DNAJB6: variants seen among roughly 807,000 people sequenced by gnomAD.
DNAJB6 encodes DnaJ heat shock protein family (Hsp40) member B6.
Under a neutral mutation model 42.7 loss-of-function variants are expected in DNAJB6, and 16 were observed. The ratio of observed to expected loss-of-function variants is 0.37; its 90% confidence interval spans 0.25 to 0.57. The LOEUF (loss-of-function observed/expected upper bound fraction) is 0.57. Among genes scored for constraint, DNAJB6 ranks in the 20% least tolerant of loss-of-function variants. The pLI, the probability that DNAJB6 is intolerant of heterozygous loss-of-function variation, is 0.74. For synonymous variants in DNAJB6, 170 were observed against 163.5 expected (o/e 1.04, Z -0.30); for missense variants, 347 against 416.8 (o/e 0.83, Z 1.46).
intron 2 of DNAJB6, among the ~76,000 whole-genome samples, chr7:157,360,455 T>C (rs1799527453): frequency 6.6e-6 from 1 of 152,208 alleles, no homozygotes; most frequent in Non-Finnish European, 1.5e-5. Context: ...AAGCATAATA[T>C]GTGTACAGTG....
intron 8 of DNAJB6, among the ~76,000 whole-genome samples, chr7:157,406,995 G>T (rs959114607): frequency 4.0e-4 from 61 of 152,240 alleles, no homozygotes; most frequent in African/African-American, 1.5e-3. Context: ...CCCAGGCGAT[G>T]GCAGCCCCGG....
At chr7:157,390,799 C>A (rs1801303861) in intron 8 of DNAJB6, among the ~76,000 whole-genome samples, 1 of 152,094 alleles carries the variant, frequency 6.6e-6, no homozygotes, top group African/African-American at 2.4e-5. Context: ...GCTCCTGAGG[C>A]CTGGAGCATG....
chr7:157,401,360 C>T (rs1362068005), intron 8 of DNAJB6, among the ~76,000 whole-genome samples: 1 of 152,146 alleles, frequency 6.6e-6, no homozygotes, highest in Non-Finnish European at 1.5e-5. Context: ...GGATTACAGG[C>T]ACGCGCCACC....
chr7:157,403,217 G>T (rs987888188), intron 8 of DNAJB6, among the ~76,000 whole-genome samples: 1 of 152,202 alleles, frequency 6.6e-6, no homozygotes, highest in African/African-American at 2.4e-5. Flanking sequence ...ATATGAGAGG[G>T]GGTAGGGGAA....
At chr7:157,352,270 A>G (rs1036671982) in intron 1 of DNAJB6, among the ~76,000 whole-genome samples, 1 of 152,056 alleles carries the variant, frequency 6.6e-6, no homozygotes, top group Admixed American at 6.6e-5. Context: ...TGGAGGTTGC[A>G]GTGAGCCAAA....
At chr7:157,341,928 G>A (rs567062105) in intron 1 of DNAJB6, among the ~76,000 whole-genome samples, 11 of 151,818 alleles carry the variant, frequency 7.2e-5, no homozygotes, top group African/African-American at 1.9e-4. Flanking sequence ...GTGCAGTGTC[G>A]CGATCTTGGC....
chr7:157,350,687 T>G (rs1340912905), intron 1 of DNAJB6, among the ~76,000 whole-genome samples: 1 of 127,370 alleles, frequency 7.9e-6, no homozygotes, highest in Non-Finnish European at 1.7e-5. Flanking sequence ...GACAACAACC[T>G]TTTTTTTTTT....
intron 1 of DNAJB6, chr7:157,339,681 T>C (rs7794423): frequency 0.55 from 81,105 of 148,032 alleles, 22,426 homozygotes; most frequent in East Asian, 0.76. Flanking sequence ...TGCTGGAGTA[T>C]AATGGCACCA....
intron 8 of DNAJB6, among the ~76,000 whole-genome samples, chr7:157,398,889 G>A (rs1048278902): frequency 3.3e-5 from 5 of 152,092 alleles, no homozygotes; most frequent in East Asian, 1.9e-4. Flanking sequence ...TGCCTTTTCC[G>A]TACAAATTGC....
intron 1 of DNAJB6, chr7:157,337,926 A>AG (rs1798136022): frequency 1.4e-5 from 1 of 70,164 alleles, no homozygotes; most frequent in African/African-American, 1.1e-4. Context: ...TTCTGTGCTA[A>AG]CTTCTCACGT....
At chr7:157,362,921 C>T (rs1799675619) in intron 2 of DNAJB6, among the ~76,000 whole-genome samples, 1 of 152,158 alleles carries the variant, frequency 6.6e-6, no homozygotes, top group Non-Finnish European at 1.5e-5. Flanking sequence ...GCAGTTGTCA[C>T]GCCTCAGCCT....
intron 5 of DNAJB6, among the ~76,000 whole-genome samples, chr7:157,373,516 A>G (rs968640319): frequency 3.9e-5 from 6 of 152,064 alleles, no homozygotes; most frequent in Non-Finnish European, 2.9e-5. Context: ...ACACCTGGCT[A>G]ATGTTTGTGT....
At chr7:157,398,010 C>T (rs898664220) in intron 8 of DNAJB6, among the ~76,000 whole-genome samples, 7 of 152,246 alleles carry the variant, frequency 4.6e-5, no homozygotes, top group African/African-American at 1.4e-4. Context: ...AGACTCTTGT[C>T]TCAAAACAAA....
At chr7:157,342,564 C>T (rs955074651) in intron 1 of DNAJB6, among the ~76,000 whole-genome samples, 4 of 152,092 alleles carry the variant, frequency 2.6e-5, no homozygotes, top group South Asian at 2.1e-4. Flanking sequence ...TCAGGTCATC[C>T]GCCTGCCTTG....
intron 5 of DNAJB6, chr7:157,378,544 G>T (rs898147192): frequency 1.3e-5 from 2 of 152,224 alleles, no homozygotes; most frequent in African/African-American, 4.8e-5. Context: ...GCGCTGTATA[G>T]TTGTGATGCC....
rs145433222 is a variant in DNAJB6, at chr7:157,399,659, C to A, written c.692-10136C>A. ...TGCATGTGACTATATATCTATATAT[C>A]TCTCTCTCTATCTGTATTTTTTTTT... is the stretch of plus-strand genomic sequence containing the variant. On this transcript the variant is annotated intron_variant, in intron 8 of 9. Transcript: ENST00000262177. 1.1e-4 allele frequency among the ~76,000 whole-genome samples: 16 copies of A among 152,024 alleles called. 1 individual carries two copies. In the South Asian group the frequency reaches 2.5e-3, roughly 24 times the overall value.
Position 157,406,555 on chromosome 7 carries a change from C to T in DNAJB6, c.692-3240C>T, listed in dbSNP as rs528467577. ...CTTCTGGGTGTTGCCGGGACCTGGC[C>T]GGGGGCGGAGTGGCTGAGCTGTGCA... On this transcript the variant is annotated intron_variant, in intron 8 of 9. Coordinates refer to ENST00000262177, the MANE Select transcript of DNAJB6 (RefSeq NM_058246.4). Among the ~76,000 whole-genome samples the T allele has an allele frequency of 4.6e-5, 7 of 152,274 alleles. 1 individual carries two copies. In the South Asian group the frequency reaches 6.2e-4, roughly 14 times the overall value.
chr7:157,342,083 T>G (rs1307611530), intron 1 of DNAJB6, among the ~76,000 whole-genome samples: 1 of 152,074 alleles, frequency 6.6e-6, no homozygotes, highest in Non-Finnish European at 1.5e-5. Context: ...GCCAGACTGG[T>G]TTGGAAGCAG....
Position 157,366,530 on chromosome 7 carries a change from T to C in DNAJB6, c.204T>C (p.Tyr68=), listed in dbSNP as rs141353971. 34 of 1,613,942 alleles carry C rather than the reference T, an allele frequency of 2.1e-5. No individual in the cohort carries two copies. Among genetic ancestry groups the C allele is most frequent in the Admixed American group, 1.3e-4 (8 of 60,000 alleles). Residue 68 remains tyrosine, a synonymous_variant, in exon 4 of 10, where the codon TAT becomes TAC. Transcript: ENST00000262177. ...DAKKRDIYDK[Y]GKEGLNGGGG... ...AGAAACGGGACATCTATGACAAATA[T>C]GGCAAAGAAGGATTAAATGGTGGAG...
Sources: gnomAD v4.1 joint callset for allele counts (sites outside exome capture counted in the v4.1 genomes callset) on GRCh38, gnomAD v4.1.1 for gene constraint, MANE v1.5 for transcripts, NCBI Gene and HGNC (gene_info 2026-07-23, HGNC 2026-07-21) for gene names.